ENTREP2: variants seen among roughly 807,000 people sequenced by gnomAD.
ENTREP2 encodes endosomal transmembrane epsin interactor 2, also known as protein ENTREP2.
the ENTREP2 span, among the ~76,000 whole-genome samples, chr15:29,274,023 T>C: frequency 3.9e-5 from 6 of 152,184 alleles, no homozygotes; most frequent in Non-Finnish European, 5.9e-5. Context: ...TATATACATC[T>C]ATTCTATTAA....
the ENTREP2 span, among the ~76,000 whole-genome samples, chr15:29,227,596 C>A: frequency 6.6e-6 from 1 of 152,060 alleles, no homozygotes; most frequent in Non-Finnish European, 1.5e-5. Context: ...GGATGCCCAC[C>A]CCTCCTGCTG....
At chr15:29,319,100 C>CAG in the ENTREP2 span, among the ~76,000 whole-genome samples, 1 of 152,190 alleles carries the variant, frequency 6.6e-6, no homozygotes, top group African/African-American at 2.4e-5. Context: ...CAAACCAAGG[C>CAG]AGAGCCCTGA....
chr15:29,505,719 A>C, the ENTREP2 span, among the ~76,000 whole-genome samples: 5 of 152,200 alleles, frequency 3.3e-5, no homozygotes, highest in African/African-American at 1.2e-4. This position sits in a 1 kb window ranked among gnomAD's most constrained non-coding sequence, Gnocchi z 4.3. Flanking sequence ...CATCGACATC[A>C]ACAAAAAGGA....
At chr15:29,378,927 C>T in the ENTREP2 span, among the ~76,000 whole-genome samples, 1 of 152,178 alleles carries the variant, frequency 6.6e-6, no homozygotes, top group Non-Finnish European at 1.5e-5. Context: ...CTTTACTCCT[C>T]ATAAAGCCAA....
At chr15:29,613,676 A>G in the ENTREP2 span, 2 of 171,940 alleles carry the variant, frequency 1.2e-5, no homozygotes, top group Non-Finnish European at 2.5e-5. Context: ...CGAGCTGACC[A>G]CACAAAACTA....
the ENTREP2 span, among the ~76,000 whole-genome samples, chr15:29,516,376 T>C: frequency 6.6e-6 from 1 of 152,184 alleles, no homozygotes; most frequent in Non-Finnish European, 1.5e-5. Context: ...AATAAATGCA[T>C]GGATCTATAC....
chr15:29,578,746 G>A, the ENTREP2 span, among the ~76,000 whole-genome samples: 1 of 152,184 alleles, frequency 6.6e-6, no homozygotes, highest in East Asian at 1.9e-4. Context: ...AATGCACTTA[G>A]CACAGTCCTA....
chr15:29,657,026 G>C, the ENTREP2 span, among the ~76,000 whole-genome samples: 1 of 152,126 alleles, frequency 6.6e-6, no homozygotes, highest in Non-Finnish European at 1.5e-5. Context: ...CAAGAACGAA[G>C]CCGGGCCTTC....
At chr15:29,235,475 C>A in the ENTREP2 span, among the ~76,000 whole-genome samples, 1 of 152,130 alleles carries the variant, frequency 6.6e-6, no homozygotes, top group East Asian at 1.9e-4. Context: ...TTAAACACCA[C>A]AGTTCTAAAT....
the ENTREP2 span, among the ~76,000 whole-genome samples, chr15:29,425,211 G>T: frequency 0.18 from 21,531 of 120,720 alleles, 1,865 homozygotes; most frequent in East Asian, 0.35. Context: ...TTTTTTTTTT[G>T]TATTTTTTAA....
the ENTREP2 span, among the ~76,000 whole-genome samples, chr15:29,544,872 T>C: frequency 6.6e-6 from 1 of 152,210 alleles, no homozygotes; most frequent in Non-Finnish European, 1.5e-5. Context: ...TGTGTCTGCC[T>C]GTGCATGCAT....
At chr15:29,374,307 A>G in the ENTREP2 span, 1 of 151,782 alleles carries the variant, frequency 6.6e-6, no homozygotes, top group Admixed American at 6.6e-5. Context: ...TTAATTGGAT[A>G]TTTTTTATTA....
chr15:29,266,348 T>A, the ENTREP2 span: 1 of 152,200 alleles, frequency 6.6e-6, no homozygotes, highest in Admixed American at 6.5e-5. Context: ...CAAAACTGTA[T>A]AAAATGTTGA....
At chr15:29,407,261 A>G in the ENTREP2 span, among the ~76,000 whole-genome samples, 2 of 152,194 alleles carry the variant, frequency 1.3e-5, no homozygotes, top group African/African-American at 4.8e-5. Context: ...AGTACTTTGT[A>G]TTTAACACAT....
At chr15:29,497,021 A>G in the ENTREP2 span, among the ~76,000 whole-genome samples, 1 of 152,168 alleles carries the variant, frequency 6.6e-6, no homozygotes, top group Non-Finnish European at 1.5e-5. Flanking sequence ...AGTAGGGCCT[A>G]ATGGGAGGTG....
the ENTREP2 span, among the ~76,000 whole-genome samples, chr15:29,595,653 G>C: frequency 6.6e-6 from 1 of 151,968 alleles, no homozygotes; most frequent in South Asian, 2.1e-4. Flanking sequence ...TCTTCTGCTC[G>C]GGTTTGTCTC....
chr15:29,530,466 T>C, the ENTREP2 span, among the ~76,000 whole-genome samples: 2 of 152,222 alleles, frequency 1.3e-5, no homozygotes, highest in Non-Finnish European at 2.9e-5. Context: ...AGTTTTCTCA[T>C]TGTTTTTATA....
At chr15:29,533,155 C>G in the ENTREP2 span, among the ~76,000 whole-genome samples, 2 of 152,180 alleles carry the variant, frequency 1.3e-5, no homozygotes, top group African/African-American at 4.8e-5. Flanking sequence ...GGCAACTCCC[C>G]TAAAGGCTGC....
chr15:29,475,012 G>C, the ENTREP2 span, among the ~76,000 whole-genome samples: 1 of 152,076 alleles, frequency 6.6e-6, no homozygotes, highest in Non-Finnish European at 1.5e-5. Flanking sequence ...TTATCCTGCA[G>C]AAACCTGTGT....
Sources: allele counts gnomAD v4.1 joint callset (sites outside exome capture counted in the v4.1 genomes callset), GRCh38; gene constraint gnomAD v4.1.1; non-coding constraint Gnocchi (gnomAD v3.1); transcripts MANE v1.5; gene names NCBI Gene and HGNC (gene_info 2026-07-23, HGNC 2026-07-21).